The following CNTNAP2 variants were observed in gnomAD, a reference collection of about 807,000 sequenced individuals.
CNTNAP2 encodes contactin associated protein 2, also known as contactin-associated protein-like 2.
A neutral mutation model predicts 155.2 loss-of-function variants in CNTNAP2; 98 were observed. That is an observed-to-expected ratio of 0.63 (90% CI 0.54 to 0.75). The LOEUF (loss-of-function observed/expected upper bound fraction) is 0.75. Among genes scored for constraint, CNTNAP2 ranks in the 30% least tolerant of loss-of-function variants. The pLI, the probability that CNTNAP2 is intolerant of heterozygous loss-of-function variation, is 0.00. For synonymous variants in CNTNAP2, 651 were observed against 631.2 expected (o/e 1.03, Z -0.47); for missense variants, 1,727 against 1,688.1 (o/e 1.02, Z -0.40).
chr7:147,157,979 A>G (rs1584762081), intron 8 of CNTNAP2, among the ~76,000 whole-genome samples: 2 of 152,248 alleles, frequency 1.3e-5, no homozygotes, highest in South Asian at 4.1e-4. Flanking sequence ...TTCACATTAA[A>G]TCAGCAATAA....
intron 1 of CNTNAP2, among the ~76,000 whole-genome samples, chr7:146,410,391 T>G (rs1247684670): frequency 6.6e-6 from 1 of 152,218 alleles, no homozygotes; most frequent in African/African-American, 2.4e-5. Context: ...CAGAAAATAT[T>G]TGCTGACTTC....
chr7:146,745,010 GAAC>G (rs1801785708), intron 1 of CNTNAP2, among the ~76,000 whole-genome samples: 1 of 152,056 alleles, frequency 6.6e-6, no homozygotes, highest in South Asian at 2.1e-4. Context: ...TTTTCTTTCA[GAAC>G]AACTTTGGAA....
At chr7:147,681,119 T>A (rs1795942759) in intron 13 of CNTNAP2, among the ~76,000 whole-genome samples, 1 of 151,980 alleles carries the variant, frequency 6.6e-6, no homozygotes, top group African/African-American at 2.4e-5. Context: ...TTCATGTGTA[T>A]GAGATCATAG....
At chr7:146,638,566 G>A (rs981663054) in intron 1 of CNTNAP2, among the ~76,000 whole-genome samples, 1 of 139,244 alleles carries the variant, frequency 7.2e-6, no homozygotes, top group East Asian at 2.1e-4. Flanking sequence ...CTCACTGCAA[G>A]TTCCTCCTCC....
At chr7:147,540,193 T>C (rs916392916) in intron 11 of CNTNAP2, among the ~76,000 whole-genome samples, 1 of 152,216 alleles carries the variant, frequency 6.6e-6, no homozygotes, top group African/African-American at 2.4e-5. Flanking sequence ...CATCAGCTCC[T>C]ACTTGCTCCT....
At chr7:147,544,646 T>A (rs1021467743) in intron 11 of CNTNAP2, among the ~76,000 whole-genome samples, 4 of 152,118 alleles carry the variant, frequency 2.6e-5, no homozygotes, top group Non-Finnish European at 1.5e-5. Context: ...TATATATATG[T>A]GATAAGATTT....
intron 3 of CNTNAP2, among the ~76,000 whole-genome samples, chr7:146,929,626 T>A (rs1796699674): frequency 6.6e-6 from 1 of 152,020 alleles, no homozygotes; most frequent in African/African-American, 2.4e-5. Flanking sequence ...AGGCTTCAGA[T>A]GATCAAACTA....
chr7:148,095,185 C>G (rs918097152), intron 15 of CNTNAP2, among the ~76,000 whole-genome samples: 2 of 152,158 alleles, frequency 1.3e-5, no homozygotes, highest in African/African-American at 4.8e-5. Flanking sequence ...CACAGAAACG[C>G]CAGTTTGCCT....
intron 22 of CNTNAP2, among the ~76,000 whole-genome samples, chr7:148,396,624 T>C (rs936801793): frequency 6.6e-5 from 10 of 152,238 alleles, no homozygotes; most frequent in Non-Finnish European, 2.9e-5. Context: ...GATGAGGTTT[T>C]TAACACATCA....
intron 15 of CNTNAP2, among the ~76,000 whole-genome samples, chr7:148,019,370 T>G (rs1054550652): frequency 3.9e-5 from 6 of 152,350 alleles, no homozygotes; most frequent in African/African-American, 1.2e-4. Context: ...TGTGGAATGC[T>G]GCTTTCGCTT....
intron 11 of CNTNAP2, among the ~76,000 whole-genome samples, chr7:147,508,025 T>C (rs1798943406): frequency 6.6e-6 from 1 of 152,140 alleles, no homozygotes; most frequent in Non-Finnish European, 1.5e-5. Context: ...CTTCTCAACA[T>C]ATGCACTTAC....
At chr7:146,568,553 A>G (rs1432826684) in intron 1 of CNTNAP2, among the ~76,000 whole-genome samples, 1 of 152,188 alleles carries the variant, frequency 6.6e-6, no homozygotes, top group African/African-American at 2.4e-5. Context: ...ATTTGTTCCT[A>G]TGTTCTACTC....
chr7:147,373,701 G>A (rs1247519951), intron 9 of CNTNAP2, among the ~76,000 whole-genome samples: 1 of 152,044 alleles, frequency 6.6e-6, no homozygotes, highest in Non-Finnish European at 1.5e-5. Context: ...GAATTTAGTA[G>A]TGTTTGTATG....
chr7:148,095,714 G>A (rs576055219), intron 15 of CNTNAP2, among the ~76,000 whole-genome samples: 39 of 152,280 alleles, frequency 2.6e-4, no homozygotes, highest in African/African-American at 8.2e-4. Context: ...GAGCACCATC[G>A]GGGAAAAATA....
chr7:147,565,485 G>C (rs2116796494), intron 12 of CNTNAP2, among the ~76,000 whole-genome samples: 1 of 152,260 alleles, frequency 6.6e-6, no homozygotes, highest in Non-Finnish European at 1.5e-5. Context: ...GCTTCTATAA[G>C]AGACAGCATG....
rs190723623 is a variant in CNTNAP2 at position 146,716,275 on chromosome 7, T to A, written c.98-57996T>A. The stretch of plus-strand genomic sequence containing the variant: ...TGGCTGTGCTGTAAGCAGGACAAAT[T>A]CTTAGGATTTCTGGTGCTAATTGAG... On this transcript the variant is annotated intron_variant, in intron 1 of 23. Transcript: ENST00000361727. Among the ~76,000 whole-genome samples, 506 of 150,972 alleles carry A rather than the reference T, an allele frequency of 3.4e-3. 2 individuals are homozygous for A. The highest frequency in any genetic ancestry group is 5.2e-3 in the Non-Finnish European group (351 of 67,916).
At chr7:148,325,633 A>G (rs1797871817) in intron 21 of CNTNAP2, among the ~76,000 whole-genome samples, 1 of 152,166 alleles carries the variant, frequency 6.6e-6, no homozygotes, top group Non-Finnish European at 1.5e-5. Flanking sequence ...CCCCAAACCA[A>G]TAGATTTATT....
At chr7:146,501,246 T>A (rs1393574631) in intron 1 of CNTNAP2, among the ~76,000 whole-genome samples, 1 of 152,148 alleles carries the variant, frequency 6.6e-6, no homozygotes, top group Non-Finnish European at 1.5e-5. Flanking sequence ...AACTGGGAAG[T>A]GTTCCCTTCT....
At chr7:146,867,580 CTT>C (rs1193655157) in intron 3 of CNTNAP2, among the ~76,000 whole-genome samples, 4 of 152,068 alleles carry the variant, frequency 2.6e-5, no homozygotes, top group Non-Finnish European at 5.9e-5. Flanking sequence ...TTTTTTAGCT[CTT>C]TGAGGAATCA....
Sources: gnomAD v4.1 joint callset for allele counts (sites outside exome capture counted in the v4.1 genomes callset) on GRCh38, gnomAD v4.1.1 for gene constraint, MANE v1.5 for transcripts, NCBI Gene and HGNC (gene_info 2026-07-23, HGNC 2026-07-21) for gene names.